Variants in THUMPD2 observed in about 807,000 individuals in gnomAD.
The protein encoded by THUMPD2 is U6 snRNA (guanine-N(2))-methyltransferase THUMPD2.
A neutral mutation model predicts 49.4 loss-of-function variants in THUMPD2; 56 were observed. The observed-to-expected ratio is 1.13, with a 90% CI of 0.91 to 1.41. The LOEUF is 1.41. Ranked by LOEUF, THUMPD2 falls within the 40% of genes most tolerant of loss-of-function variation. The pLI is 0.00. For synonymous variants in THUMPD2, 237 were observed against 205.2 expected (o/e 1.15, Z -1.32); for missense variants, 709 against 594.5 (o/e 1.19, Z -2.00).
chr2:39,776,547 C>T (rs1415091902), intron 1 of THUMPD2, among the ~76,000 whole-genome samples: 1 of 151,908 alleles, frequency 6.6e-6, no homozygotes, highest in African/African-American at 2.4e-5. Flanking sequence ...GTGTACGCCA[C>T]CACACCTGGA....
At chr2:39,737,119 C>T in intron 9 of THUMPD2, 60 bp from the exon 10 acceptor site, 2 of 1,438,356 alleles carry the variant, frequency 1.4e-6, no homozygotes, top group Non-Finnish European at 1.9e-6. Flanking sequence ...CAAACAATCC[C>T]ACTTCATTTA....
chr2:39,773,551 A>ATTTTAAAATATATATATATTTATAT (rs1480298019), intron 1 of THUMPD2, among the ~76,000 whole-genome samples: 9 of 127,996 alleles, frequency 7.0e-5, no homozygotes, highest in Middle Eastern at 3.6e-3. Context: ...ATATATTTAT[A>ATTTTAAAATATATATATATTTATAT]TTTAAAAATA....
In THUMPD2 at chr2:39,768,644, C is replaced by T. The variant is rs767239712; in HGVS notation, c.673-143G>A. On this transcript the variant is annotated intron_variant, in intron 3 of 9. Coordinates refer to ENST00000505747, the MANE Select transcript of THUMPD2 (RefSeq NM_025264.5). ...TTAGAGTTCTGATATTAAAATTGTA[C>T]ATGAAAGCATTTCCTATTCAAGGCA... 5 of 756,310 alleles carry T rather than the reference C, an allele frequency of 6.6e-6. No individual in the cohort carries two copies. The East Asian group carries it at 8.1e-5, about 12-fold the overall frequency. The allele number at this position is 756,310 out of a possible 1,614,324, so 46.8% of individuals were successfully genotyped here.
Position 39,769,911 on chromosome 2 carries a change from C to T in THUMPD2, c.471G>A (p.Glu157=). 1.9e-6 allele frequency: 3 copies of T among 1,584,438 alleles called. No individual in the cohort carries two copies. The highest frequency in any genetic ancestry group is 2.6e-6 in the Non-Finnish European group (3 of 1,172,536). ...GTTTTTCCAGCTGGCAGTCCCTATTCTCTTCTATCTTTTGCATTTGTTCTA... is the reference window on the plus strand; with the variant it reads ...GTTTTTCCAGCTGGCAGTCCCTATTTTCTTCTATCTTTTGCATTTGTTCTA... ...LKIEQMQKIE[E]NRDCQLEKQI... The change falls in exon 3 of 10, where the codon GAG becomes GAA. Residue 157 remains glutamate, a synonymous_variant. Coordinates refer to ENST00000505747, the MANE Select transcript of THUMPD2 (RefSeq NM_025264.5).
At position 39,779,152 on chromosome 2, in the gene THUMPD2, C is replaced by G. The variant is rs2148374943; in HGVS notation, c.88G>C (p.Val30Leu). The G allele has an allele frequency of 1.3e-6, 2 of 1,519,734 alleles. No individual in the cohort carries two copies. Among genetic ancestry groups the G allele is most frequent in the Non-Finnish European group, 1.8e-6 (2 of 1,139,490 alleles). 94.1% of individuals were successfully genotyped at this position (1,519,734 alleles called of 1,614,324 possible). The change falls in exon 1 of 10, where the codon GTA (valine) becomes CTA (leucine). Residue 30 changes from valine to leucine, a missense_variant. Coordinates refer to ENST00000505747, the MANE Select transcript of THUMPD2 (RefSeq NM_025264.5). ...CTAGRGLEPF[V>L]MREVRARLAA... ...AGCCGCGCCCGCACCTCTCGCATTA[C>G]GAACGGCTCCAGGCCGCGACCCGCA... is the stretch of plus-strand genomic sequence containing the variant.
chr2:39,749,791 G>A (rs2148224207), intron 8 of THUMPD2, among the ~76,000 whole-genome samples: 1 of 148,434 alleles, frequency 6.7e-6, no homozygotes, highest in Admixed American at 6.7e-5. Flanking sequence ...TGTGTGTGTT[G>A]TCCCCCAACC....
chr2:39,736,686 GTA>G lies in THUMPD2; in HGVS notation c.*47_*48del. 1 of 1,526,506 alleles carries G rather than the reference GTA, an allele frequency of 6.6e-7. No individual in the cohort carries two copies. The highest frequency in any genetic ancestry group is 8.8e-7 in the Non-Finnish European group (1 of 1,130,360). 94.6% of individuals were successfully genotyped at this position (1,526,506 alleles called of 1,614,324 possible). On this transcript the variant is annotated 3_prime_UTR_variant, in exon 10 of 10. Transcript: ENST00000505747. ...ATCCTAGAGACAGCAAACTTCTGCT[GTA>G]CAGCTAACTTACAAGGGCCTGAACC...
At chr2:39,757,699 G>A (rs1033821065) in intron 6 of THUMPD2, among the ~76,000 whole-genome samples, 1 of 152,132 alleles carries the variant, frequency 6.6e-6, no homozygotes, top group Non-Finnish European at 1.5e-5. Flanking sequence ...ATGTATTTCT[G>A]TATACTTACA....
intron 6 of THUMPD2, among the ~76,000 whole-genome samples, chr2:39,757,956 A>G (rs1676354208): frequency 1.3e-5 from 2 of 152,130 alleles, no homozygotes. Flanking sequence ...CCTCCAAAAG[A>G]ACTCTACTAT....
At chr2:39,750,030 T>C (rs1370494455) in intron 8 of THUMPD2, among the ~76,000 whole-genome samples, 2 of 152,254 alleles carry the variant, frequency 1.3e-5, no homozygotes, top group Admixed American at 1.3e-4. Flanking sequence ...TCTGTGTCTT[T>C]GCTATCATGA....
Position 39,769,824 on chromosome 2 carries a change from T to C in THUMPD2, c.558A>G (p.Glu186=). Residue 186 remains glutamate (E), a synonymous_variant, in exon 3 of 10, where the codon GAA becomes GAG. Transcript: ENST00000505747. ...DFTTKSEKFQ[E]EEFQNDIEKA... Reference sequence around the variant, plus strand: ...TCTCTATGTCATTCTGAAATTCTTCTTCTTGAAACTTTTCGCTTTTAGTGG... The same window carrying C: ...TCTCTATGTCATTCTGAAATTCTTCCTCTTGAAACTTTTCGCTTTTAGTGG... 6.2e-7 allele frequency: 1 copy of C among 1,611,876 alleles called. No individual in the cohort carries two copies. The highest frequency in any genetic ancestry group is 8.5e-7 in the Non-Finnish European group (1 of 1,179,426).
chr2:39,759,040 G>C (rs1676491698), intron 6 of THUMPD2, among the ~76,000 whole-genome samples: 1 of 152,014 alleles, frequency 6.6e-6, no homozygotes, highest in Non-Finnish European at 1.5e-5. Flanking sequence ...TAATTTGGAA[G>C]ATAATGTTCA....
chr2:39,770,097 T>C lies in THUMPD2; in HGVS notation c.285A>G (p.Gln95=), dbSNP rs763997466. 3 of 1,501,048 alleles carry C rather than the reference T, an allele frequency of 2.0e-6. No homozygotes were observed. The highest frequency in any genetic ancestry group is 1.4e-5 in the African/African-American group (1 of 69,438). The allele number at this position is 1,501,048 out of a possible 1,614,324, so 93.0% of individuals were successfully genotyped here. ...VSKGKIFNEM[Q]RLINEDPGSW... ...TTCCTGGATCTTCATTTATAAGTCT[T>C]TGCATTTCATTAAATATTTTTCCTA... Residue 95 remains glutamine, a synonymous_variant, in exon 3 of 10, where the codon CAA becomes CAG. Coordinates refer to ENST00000505747, the MANE Select transcript of THUMPD2 (RefSeq NM_025264.5).
chr2:39,753,324 GATCT>G (rs1025291738), intron 8 of THUMPD2, among the ~76,000 whole-genome samples: 44 of 152,232 alleles, frequency 2.9e-4, no homozygotes, highest in African/African-American at 1.0e-3. Flanking sequence ...TGACACAGCT[GATCT>G]ATCTTTCTTC....
At chr2:39,755,995 A>G in intron 6 of THUMPD2, 35 bp from the exon 7 acceptor site, 2 of 1,574,336 alleles carry the variant, frequency 1.3e-6, no homozygotes, top group East Asian at 4.5e-5. Flanking sequence ...TATTATTAAG[A>G]CTACCATAGT....
chr2:39,751,251 T>C (rs750516427), intron 8 of THUMPD2, among the ~76,000 whole-genome samples: 13 of 152,182 alleles, frequency 8.5e-5, no homozygotes, highest in Non-Finnish European at 1.9e-4. Context: ...AACAAACCAG[T>C]ATGAAAGAAA....
chr2:39,756,951 GA>G lies in THUMPD2; in HGVS notation c.892-992del, dbSNP rs35726811. ...AATAATAATAATAAATGGTATTGGA[GA>G]AAAAAAAAAAGAAACTGAGATTTTT... On this transcript the variant is annotated intron_variant, in intron 6 of 9. Transcript: ENST00000505747. 4.6e-3 allele frequency among the ~76,000 whole-genome samples: 656 copies of G among 142,638 alleles called. 5 individuals carry two copies. The highest frequency in any genetic ancestry group is 0.015 in the African/African-American group (578 of 39,074). The allele number at this position is 142,638 out of a possible 152,430, so 93.6% of individuals were successfully genotyped here.
At chr2:39,760,410 C>T (rs1264609064) in intron 6 of THUMPD2, among the ~76,000 whole-genome samples, 2 of 151,884 alleles carry the variant, frequency 1.3e-5, no homozygotes, top group African/African-American at 2.4e-5. Context: ...TGGAATAGAA[C>T]AATGAAGTAA....
chr2:39,740,214 T>C (rs1673716501), intron 9 of THUMPD2, among the ~76,000 whole-genome samples: 2 of 152,216 alleles, frequency 1.3e-5, no homozygotes, highest in Non-Finnish European at 1.5e-5. Flanking sequence ...GTTCAAAGAA[T>C]AGTTCTTTTT....
Sources: allele counts gnomAD v4.1 joint callset (sites outside exome capture counted in the v4.1 genomes callset), GRCh38; gene constraint gnomAD v4.1.1; transcripts MANE v1.5; gene names NCBI Gene and HGNC (gene_info 2026-07-23, HGNC 2026-07-21).